AUH: variants seen among roughly 807,000 people sequenced by gnomAD.
The protein encoded by AUH is AU RNA binding methylglutaconyl-CoA hydratase, also known as methylglutaconyl-CoA hydratase, mitochondrial.
In AUH, 29 loss-of-function variants were observed where a neutral mutation model predicts 42.3. That is an observed-to-expected ratio of 0.69 (90% CI 0.51 to 0.93). The LOEUF is 0.93. Among genes scored for constraint, AUH ranks in the 40% least tolerant of loss-of-function variants. AUH has a pLI of 0.00. For synonymous variants in AUH, 174 were observed against 166.4 expected (o/e 1.05, Z -0.35); for missense variants, 452 against 438.1 (o/e 1.03, Z -0.28).
chr9:91,223,607 T>G (rs1356255237), intron 6 of AUH, among the ~76,000 whole-genome samples: 1 of 152,224 alleles, frequency 6.6e-6, no homozygotes, highest in Non-Finnish European at 1.5e-5. Context: ...TGCTGGATCA[T>G]ACAGTAATTC....
In AUH at chr9:91,361,659, C is replaced by G. The variant is rs1457699686; in HGVS notation, c.231G>C (p.Leu77=). The G allele has an allele frequency of 5.1e-6, 8 of 1,583,222 alleles. No individual in the cohort carries two copies. The highest frequency in any genetic ancestry group is 6.9e-6 in the Non-Finnish European group (8 of 1,164,976). ...TCTCCTCCTCCAGGTGCCGCACCCG[C>G]AGCTCGTCCTCCGTCTTCATCTCAG... ...YSSEMKTEDE[L]RVRHLEEENR... The change falls in exon 1 of 10, where the codon CTG becomes CTC. Residue 77 remains leucine, a synonymous_variant. Transcript: ENST00000375731.
At chr9:91,218,568 A>G (rs758755137) in intron 7 of AUH, 5 of 960,082 alleles carry the variant, frequency 5.2e-6, no homozygotes, top group Non-Finnish European at 6.2e-6. Flanking sequence ...GGAGATGCCC[A>G]GGCTGCTGGT....
chr9:91,262,234 C>T (rs1252406777), intron 6 of AUH, among the ~76,000 whole-genome samples: 4 of 152,296 alleles, frequency 2.6e-5, no homozygotes, highest in Admixed American at 6.5e-5. Flanking sequence ...ACTCGCCAAC[C>T]TTAAATTTAC....
intron 6 of AUH, among the ~76,000 whole-genome samples, chr9:91,291,778 T>C (rs1826913021): frequency 1.3e-5 from 2 of 152,194 alleles, no homozygotes; most frequent in Admixed American, 1.3e-4. Flanking sequence ...AAGTATGTCT[T>C]CCATGTTCAA....
At position 91,303,335 on chromosome 9, in the gene AUH, A is replaced by AT. The variant is rs372527795; in HGVS notation, c.506-5260dup. Among the ~76,000 whole-genome samples, 127 of 149,148 alleles carry AT rather than the reference A, an allele frequency of 8.5e-4. No individual in the cohort carries two copies. In the Middle Eastern group the frequency reaches 0.014, roughly 16 times the overall value. On this transcript the variant is annotated intron_variant, in intron 4 of 9. Transcript: ENST00000375731. ...GGAAAATGTTAGTGTCAGACGCATG[A>AT]TTTTTTTTTTTGAAACGGAGTCTCT...
chr9:91,355,411 G>A (rs544103616), intron 3 of AUH, among the ~76,000 whole-genome samples: 1 of 152,206 alleles, frequency 6.6e-6, no homozygotes, highest in Admixed American at 6.5e-5. Context: ...ACAAAAATTA[G>A]CTAGGCGAGG....
intron 6 of AUH, among the ~76,000 whole-genome samples, chr9:91,234,109 C>A (rs1828042403): frequency 6.6e-6 from 1 of 152,176 alleles, no homozygotes. Context: ...ACATCCACTG[C>A]CCCCATTAAA....
rs553849391 is a variant in AUH, at chr9:91,303,846, GTA to G, written c.506-5772_506-5771del. Among the ~76,000 whole-genome samples the G allele has an allele frequency of 3.2e-3, 494 of 152,256 alleles. 11 individuals are homozygous for G. Among genetic ancestry groups the G allele is most frequent in the Middle Eastern group, 0.01 (3 of 294 alleles). ...GCTAAAACTTTACCTTCATCCTAAT[GTA>G]TATTCTCCCATTCCCATCACTGAGG... On this transcript the variant is annotated intron_variant, in intron 4 of 9. Coordinates refer to ENST00000375731, the MANE Select transcript of AUH (RefSeq NM_001698.3).
intron 6 of AUH, among the ~76,000 whole-genome samples, chr9:91,227,232 C>T (rs1652396521): frequency 6.7e-6 from 1 of 149,958 alleles, no homozygotes; most frequent in Non-Finnish European, 1.5e-5. Flanking sequence ...TTTCCTTGAG[C>T]AGCGGTTTGT....
chr9:91,340,484 C>T (rs1175656306), intron 3 of AUH, among the ~76,000 whole-genome samples: 2 of 151,834 alleles, frequency 1.3e-5, no homozygotes, highest in African/African-American at 4.8e-5. Context: ...CTTATTTTAC[C>T]CCGAAAAGCA....
chr9:91,349,619 G>C (rs1831796246), intron 3 of AUH, among the ~76,000 whole-genome samples: 1 of 151,760 alleles, frequency 6.6e-6, no homozygotes, highest in Non-Finnish European at 1.5e-5. Context: ...TAGCAGAATT[G>C]TTTTGACTTG....
chr9:91,295,052 TG>T (rs1276962840), intron 6 of AUH, among the ~76,000 whole-genome samples: 1 of 152,162 alleles, frequency 6.6e-6, no homozygotes, highest in Non-Finnish European at 1.5e-5. Context: ...ATTCTCGTCG[TG>T]GTGAATAAGT....
At chr9:91,286,671 T>C (rs1826431596) in intron 6 of AUH, among the ~76,000 whole-genome samples, 1 of 151,144 alleles carries the variant, frequency 6.6e-6, no homozygotes, top group Non-Finnish European at 1.5e-5. Flanking sequence ...TGAGGAAATA[T>C]TAAGTTAAAT....
chr9:91,305,192 T>C (rs945619474), intron 4 of AUH, among the ~76,000 whole-genome samples: 1 of 152,158 alleles, frequency 6.6e-6, no homozygotes, highest in Admixed American at 6.5e-5. Context: ...AATTCATATA[T>C]ACCTATGTCC....
chr9:91,285,108 C>T (rs932963821), intron 6 of AUH, among the ~76,000 whole-genome samples: 6 of 152,182 alleles, frequency 3.9e-5, no homozygotes. Context: ...GGCATATACA[C>T]ACCATGGAAT....
At chr9:91,224,431 G>A (rs1347016395) in intron 6 of AUH, among the ~76,000 whole-genome samples, 1 of 152,046 alleles carries the variant, frequency 6.6e-6, no homozygotes, top group Admixed American at 6.6e-5. Flanking sequence ...TGTTGATAGT[G>A]CCTGATGCAT....
chr9:91,300,385 A>T (rs1469382672), intron 4 of AUH, among the ~76,000 whole-genome samples: 1 of 152,192 alleles, frequency 6.6e-6, no homozygotes, highest in Non-Finnish European at 1.5e-5. Flanking sequence ...TCTAGGCTGT[A>T]TTTCAGTTAG....
At chr9:91,231,175 C>CA (rs1433910311) in intron 6 of AUH, among the ~76,000 whole-genome samples, 1 of 152,168 alleles carries the variant, frequency 6.6e-6, no homozygotes, top group African/African-American at 2.4e-5. Flanking sequence ...AGTTTGATCT[C>CA]AGACTGCTGT....
intron 6 of AUH, among the ~76,000 whole-genome samples, chr9:91,253,502 T>C (rs1330605042): frequency 6.6e-6 from 1 of 152,270 alleles, no homozygotes; most frequent in African/African-American, 2.4e-5. Flanking sequence ...TATTATTTCA[T>C]GGGCCTAAGG....
Sources: gnomAD v4.1 joint callset for allele counts (sites outside exome capture counted in the v4.1 genomes callset) on GRCh38, gnomAD v4.1.1 for gene constraint, MANE v1.5 for transcripts, NCBI Gene and HGNC (gene_info 2026-07-23, HGNC 2026-07-21) for gene names.